B4GALT5: variants seen among roughly 807,000 people sequenced by gnomAD.
B4GALT5 encodes UDP-Gal:beta-GlcNAc beta-1,4-galactosyltransferase 5.
A neutral mutation model predicts 45.0 loss-of-function variants in B4GALT5; 11 were observed. The observed-to-expected ratio is 0.24, with a 90% CI of 0.15 to 0.40. The LOEUF is 0.40. Ranked by LOEUF, B4GALT5 falls within the 10% of genes least tolerant of loss-of-function variation. The pLI, the probability that B4GALT5 is intolerant of heterozygous loss-of-function variation, is 1.00. For missense variants in B4GALT5, 337 were observed against 500.2 expected, an observed-to-expected ratio of 0.67 and a Z score of 3.11; for synonymous variants, 185 against 182.9, an observed-to-expected ratio of 1.01 and a Z score of -0.09.
intron 4 of B4GALT5, 34 bp from the exon 5 acceptor site, chr20:49,642,618 G>C (rs1399645618): frequency 2.0e-6 from 3 of 1,492,500 alleles, no homozygotes; most frequent in Non-Finnish European, 1.9e-6. Flanking sequence ...AGCACAGTTA[G>C]GACTCTCAGC....
At chr20:49,669,542 C>CA (rs1269812094) in intron 1 of B4GALT5, among the ~76,000 whole-genome samples, 19 of 151,902 alleles carry the variant, frequency 1.3e-4, no homozygotes, top group Non-Finnish European at 1.9e-4. Flanking sequence ...ACTAAAAATA[C>CA]AAAATCAGCC....
At chr20:49,661,308 CACTGCA>C (rs1050228883) in intron 1 of B4GALT5, among the ~76,000 whole-genome samples, 17 of 152,116 alleles carry the variant, frequency 1.1e-4, no homozygotes, top group African/African-American at 3.9e-4. Context: ...CGTCTCGGCT[CACTGCA>C]ACCTCCATTT....
chr20:49,638,508 T>G (rs1033001227), intron 7 of B4GALT5, among the ~76,000 whole-genome samples: 13 of 152,220 alleles, frequency 8.5e-5, no homozygotes, highest in Non-Finnish European at 1.8e-4. Flanking sequence ...CACCCAAGCT[T>G]GTACAGTACA....
rs547539917 is a variant in B4GALT5, at chr20:49,636,026, G to T, written c.*286C>A. On this transcript the variant is annotated 3_prime_UTR_variant, in exon 9 of 9. Coordinates refer to ENST00000371711, the MANE Select transcript of B4GALT5 (RefSeq NM_004776.4). ...GGAGACTGCGGCTAAGACAGGATGT[G>T]GGGTAGGAGATGGGGAGAGAGCAGC... 5.1e-6 allele frequency: 2 copies of T among 394,250 alleles called. No individual in the cohort carries two copies. Among genetic ancestry groups the T allele is most frequent in the South Asian group, 4.8e-5 (2 of 41,346 alleles). The allele number at this position is 394,250 out of a possible 1,614,324, so 24.4% of individuals were successfully genotyped here.
intron 1 of B4GALT5, among the ~76,000 whole-genome samples, chr20:49,661,739 C>T (rs548356543): frequency 6.6e-5 from 10 of 152,254 alleles, no homozygotes; most frequent in Non-Finnish European, 1.3e-4. Flanking sequence ...CATAAGGCAA[C>T]GCTGAATAGA....
At chr20:49,697,878 G>GA (rs1181652366) in intron 1 of B4GALT5, among the ~76,000 whole-genome samples, 1 of 152,004 alleles carries the variant, frequency 6.6e-6, no homozygotes, top group East Asian at 1.9e-4. Context: ...TCAGGACAGT[G>GA]AAAAAAATAC....
intron 6 of B4GALT5, 124 bp downstream of exon 6, chr20:49,640,354 C>T: frequency 1.2e-6 from 1 of 804,326 alleles, no homozygotes; most frequent in South Asian, 2.1e-5. Flanking sequence ...TATGGATACA[C>T]ACATTTTGTT....
rs1257465413 is a variant in B4GALT5 at position 49,635,248 on chromosome 20, G to A, written c.*1064C>T. 9 of 100,156 alleles carry A rather than the reference G, an allele frequency of 9.0e-5. No individual in the cohort carries two copies. Among genetic ancestry groups the A allele is most frequent in the Admixed American group, 6.7e-4 (5 of 7,494 alleles). 6.2% of individuals were successfully genotyped at this position (100,156 alleles called of 1,614,324 possible). A position where few individuals can be genotyped will look rare whatever the true frequency, so the allele number is the denominator to read the frequency against. ...ACCCCCGCCCCCCGCCCCCCGCCCCGCCATGCTGATGAAAAGACAGAACAC... is the reference window on the plus strand; with the variant it reads ...ACCCCCGCCCCCCGCCCCCCGCCCCACCATGCTGATGAAAAGACAGAACAC... On this transcript the variant is annotated 3_prime_UTR_variant, in exon 9 of 9. Transcript: ENST00000371711.
intron 1 of B4GALT5, among the ~76,000 whole-genome samples, chr20:49,709,834 T>C (rs2085900374): frequency 6.6e-6 from 1 of 152,206 alleles, no homozygotes; most frequent in Non-Finnish European, 1.5e-5. Flanking sequence ...AATGGTATTA[T>C]TATAGTAGCT....
chr20:49,710,421 T>TTA (rs759142405), intron 1 of B4GALT5, among the ~76,000 whole-genome samples: 45 of 143,722 alleles, frequency 3.1e-4, no homozygotes, highest in Non-Finnish European at 6.6e-4. Flanking sequence ...TTTTTTTTTG[T>TTA]GTGTGTGTGT....
intron 1 of B4GALT5, among the ~76,000 whole-genome samples, chr20:49,712,861 G>A (rs1460207478): frequency 1.4e-5 from 2 of 145,824 alleles, no homozygotes; most frequent in African/African-American, 2.5e-5. Context: ...ATGGGGAAGA[G>A]GCATGGGACG....
intron 1 of B4GALT5, among the ~76,000 whole-genome samples, chr20:49,691,842 T>C (rs2085813952): frequency 6.6e-6 from 1 of 152,224 alleles, no homozygotes; most frequent in African/African-American, 2.4e-5. Flanking sequence ...GAATGTATTA[T>C]TTTTAAAATC....
intron 1 of B4GALT5, among the ~76,000 whole-genome samples, chr20:49,707,911 GC>G (rs1344128800): frequency 1.4e-5 from 2 of 147,020 alleles, no homozygotes; most frequent in Non-Finnish European, 3.0e-5. Flanking sequence ...ACCTTGCCCA[GC>G]CTTTTTTTTT....
chr20:49,685,610 T>C (rs912400433), intron 1 of B4GALT5, among the ~76,000 whole-genome samples: 1 of 152,196 alleles, frequency 6.6e-6, no homozygotes, highest in Non-Finnish European at 1.5e-5. Context: ...TATCTGTTTG[T>C]CTCCTATAGC....
At chr20:49,709,990 G>A (rs1411013473) in intron 1 of B4GALT5, among the ~76,000 whole-genome samples, 1 of 152,106 alleles carries the variant, frequency 6.6e-6, no homozygotes, top group Non-Finnish European at 1.5e-5. Flanking sequence ...TTAGAATACG[G>A]GTCACCCACA....
Position 49,640,678 on chromosome 20 carries a change from G to T in B4GALT5, c.607-13C>A, listed in dbSNP as rs768731025. On this transcript the variant is annotated splice_polypyrimidine_tract_variant and intron_variant, in intron 5 of 8. Transcript: ENST00000371711. ...GTTGGGTACCAACCTAAAAGAAACA[G>T]AACTTTATCTTTAAAAGAATCTTGA... The T allele has an allele frequency of 3.8e-6, 6 of 1,573,054 alleles. No individual in the cohort carries two copies. The Admixed American group carries it at 1.2e-4, about 32-fold the overall frequency.
intron 1 of B4GALT5, among the ~76,000 whole-genome samples, chr20:49,675,712 G>C (rs1040976615): frequency 2.6e-5 from 4 of 152,196 alleles, no homozygotes; most frequent in Admixed American, 6.5e-5. Flanking sequence ...TCATGTGACT[G>C]TTTGATTTTT....
At chr20:49,666,229 T>A (rs141536885) in intron 1 of B4GALT5, among the ~76,000 whole-genome samples, 169 of 152,310 alleles carry the variant, frequency 1.1e-3, no homozygotes, top group Admixed American at 3.8e-3. Context: ...AGCCTGAATC[T>A]TAGCAAAGAC....
intron 1 of B4GALT5, among the ~76,000 whole-genome samples, chr20:49,680,161 T>C (rs1178293650): frequency 1.3e-5 from 2 of 152,190 alleles, no homozygotes; most frequent in African/African-American, 4.8e-5. Context: ...AATCCAGCTA[T>C]TCAATAGCAT....
Sources: allele counts gnomAD v4.1 joint callset (sites outside exome capture counted in the v4.1 genomes callset), GRCh38; gene constraint gnomAD v4.1.1; transcripts MANE v1.5; gene names NCBI Gene and HGNC (gene_info 2026-07-23, HGNC 2026-07-21).